Variants in CADM2 observed in about 807,000 individuals in gnomAD.
CADM2 encodes the protein immunoglobulin superfamily member 4D.
A neutral mutation model predicts 49.8 loss-of-function variants in CADM2; 12 were observed. That is an observed-to-expected ratio of 0.24 (90% CI 0.15 to 0.39). CADM2 has a LOEUF of 0.39. Among genes scored for constraint, CADM2 ranks in the 10% least tolerant of loss-of-function variants. The pLI, the probability that CADM2 is intolerant of heterozygous loss-of-function variation, is 1.00. For synonymous variants in CADM2, 214 were observed against 175.4 expected, an observed-to-expected ratio of 1.22 and a Z score of -1.74; for missense variants, 378 against 492.3, an observed-to-expected ratio of 0.77 and a Z score of 2.20.
At chr3:85,353,855 C>T (rs2031591558) in intron 1 of CADM2, among the ~76,000 whole-genome samples, 1 of 151,848 alleles carries the variant, frequency 6.6e-6, no homozygotes, top group Non-Finnish European at 1.5e-5. Flanking sequence ...TATGATACAA[C>T]AAAAATATCA....
chr3:85,400,524 G>A (rs2035047717), intron 1 of CADM2, among the ~76,000 whole-genome samples: 1 of 152,126 alleles, frequency 6.6e-6, no homozygotes, highest in Non-Finnish European at 1.5e-5. Context: ...AGAAGGAATG[G>A]TACCAGCTCC....
At chr3:85,053,432 A>G (rs1452753771) in intron 1 of CADM2, among the ~76,000 whole-genome samples, 1 of 151,990 alleles carries the variant, frequency 6.6e-6, no homozygotes, top group East Asian at 1.9e-4. Flanking sequence ...ATAAAACATG[A>G]CAAATTAATT....
At chr3:85,808,310 T>C (rs1455007268) in intron 3 of CADM2, among the ~76,000 whole-genome samples, 2 of 152,206 alleles carry the variant, frequency 1.3e-5, no homozygotes, top group Non-Finnish European at 2.9e-5. Flanking sequence ...CTTCTCTTTC[T>C]TTTTACATAA....
In CADM2 at chr3:85,410,722, CA is replaced by C. The variant is rs35211446; in HGVS notation, c.62-315796del. Among the ~76,000 whole-genome samples, 696 of 152,232 alleles carry C rather than the reference CA, an allele frequency of 4.6e-3. 6 individuals are homozygous for C. The highest frequency in any genetic ancestry group is 0.015 in the African/African-American group (627 of 41,562). On this transcript the variant is annotated intron_variant, in intron 1 of 9. Transcript: ENST00000383699. ...GGCAATTTGGAGTGAAAAGAGGAAA[CA>C]AAATGTTTTAGGGACACTGAAGTGC...
chr3:85,752,823 A>T (rs1015120743), intron 2 of CADM2, among the ~76,000 whole-genome samples: 1 of 152,286 alleles, frequency 6.6e-6, no homozygotes, highest in Admixed American at 6.5e-5. Context: ...TTTTCAGATG[A>T]ATTTAATCAT....
chr3:85,416,593 A>G (rs1358392844), intron 1 of CADM2, among the ~76,000 whole-genome samples: 2 of 152,186 alleles, frequency 1.3e-5, no homozygotes, highest in Non-Finnish European at 2.9e-5. Flanking sequence ...CCCACTCCAA[A>G]GAAGCAATGA....
intron 8 of CADM2, among the ~76,000 whole-genome samples, chr3:86,034,659 T>C (rs918913836): frequency 6.6e-6 from 1 of 152,112 alleles, no homozygotes; most frequent in African/African-American, 2.4e-5. Flanking sequence ...CTCTTAACTT[T>C]TAATTCTCTA....
chr3:85,229,010 C>A (rs896576956), intron 1 of CADM2, among the ~76,000 whole-genome samples: 9 of 152,128 alleles, frequency 5.9e-5, no homozygotes, highest in African/African-American at 2.2e-4. Context: ...TTCAGAGATA[C>A]CCTGCCCACA....
intron 8 of CADM2, among the ~76,000 whole-genome samples, chr3:85,965,703 A>T (rs1255736739): frequency 6.6e-6 from 1 of 151,672 alleles, no homozygotes; most frequent in Non-Finnish European, 1.5e-5. Flanking sequence ...CATTAAGTTC[A>T]GAAAATATAG....
intron 8 of CADM2, among the ~76,000 whole-genome samples, chr3:86,002,285 C>T (rs1398451838): frequency 2.6e-5 from 4 of 152,080 alleles, no homozygotes; most frequent in Non-Finnish European, 5.9e-5. Flanking sequence ...TCCACGGGAT[C>T]GATGTTGCTC....
chr3:85,155,453 AC>A (rs1166332958), intron 1 of CADM2, among the ~76,000 whole-genome samples: 6 of 152,142 alleles, frequency 3.9e-5, no homozygotes, highest in Non-Finnish European at 1.5e-5. Context: ...GTCCTGAGTG[AC>A]CTATAAAGAA....
At chr3:85,177,976 G>A (rs2040829063) in intron 1 of CADM2, among the ~76,000 whole-genome samples, 1 of 151,906 alleles carries the variant, frequency 6.6e-6, no homozygotes, top group Admixed American at 6.6e-5. Flanking sequence ...TGTACATTAA[G>A]CATGCAATAT....
At chr3:85,421,854 G>T (rs1263318694) in intron 1 of CADM2, among the ~76,000 whole-genome samples, 1 of 152,272 alleles carries the variant, frequency 6.6e-6, no homozygotes, top group African/African-American at 2.4e-5. Flanking sequence ...CAGTATGGTG[G>T]CACTAAGTAT....
At chr3:85,991,538 T>C (rs1215841967) in intron 8 of CADM2, among the ~76,000 whole-genome samples, 2 of 152,134 alleles carry the variant, frequency 1.3e-5, no homozygotes, top group Non-Finnish European at 2.9e-5. Context: ...AACACACCCA[T>C]TGCAATAATA....
chr3:85,635,321 C>T (rs1214880181), intron 1 of CADM2, among the ~76,000 whole-genome samples: 1 of 152,108 alleles, frequency 6.6e-6, no homozygotes, highest in Admixed American at 6.6e-5. Flanking sequence ...TCTACTATGT[C>T]ACACTGCCTC....
At chr3:85,772,416 T>C (rs1355243327) in intron 2 of CADM2, among the ~76,000 whole-genome samples, 1 of 152,110 alleles carries the variant, frequency 6.6e-6, no homozygotes. Context: ...TCTGTGTGTA[T>C]GTGTCCATCT....
chr3:85,531,250 AT>A (rs1317130947), intron 1 of CADM2, among the ~76,000 whole-genome samples: 1 of 151,952 alleles, frequency 6.6e-6, no homozygotes, highest in Non-Finnish European at 1.5e-5. Context: ...TAATTTTTTG[AT>A]TTCAGTAAGT....
At chr3:85,714,880 A>G (rs1347143810) in intron 1 of CADM2, among the ~76,000 whole-genome samples, 3 of 152,122 alleles carry the variant, frequency 2.0e-5, no homozygotes, top group Non-Finnish European at 4.4e-5. Context: ...GTCATCCATT[A>G]TAACCATTAC....
chr3:86,025,975 C>G (rs575154040), intron 8 of CADM2, among the ~76,000 whole-genome samples: 1 of 151,962 alleles, frequency 6.6e-6, no homozygotes, highest in Non-Finnish European at 1.5e-5. Context: ...AATTGGCTCT[C>G]TTTGAATAAT....
Sources: gnomAD v4.1 joint callset for allele counts (sites outside exome capture counted in the v4.1 genomes callset) on GRCh38, gnomAD v4.1.1 for gene constraint, MANE v1.5 for transcripts, NCBI Gene and HGNC (gene_info 2026-07-23, HGNC 2026-07-21) for gene names.